The following NSUN3 variants were observed in gnomAD, a reference collection of about 807,000 sequenced individuals.
NSUN3 encodes the protein NOP2/Sun RNA methyltransferase 3, also known as tRNA (cytosine(34)-C(5))-methyltransferase, mitochondrial.
NSUN3 carries 24 observed loss-of-function variants against 36.8 expected under a neutral mutation model. That is an observed-to-expected ratio of 0.65 (90% CI 0.47 to 0.92). NSUN3 has a LOEUF of 0.92. Ranked by LOEUF, NSUN3 falls within the 40% of genes least tolerant of loss-of-function variation. NSUN3 has a pLI of 0.00. For synonymous variants in NSUN3, 146 were observed against 145.2 expected (o/e 1.01, Z -0.04); for missense variants, 381 against 392.8 (o/e 0.97, Z 0.25).
intron 5 of NSUN3, among the ~76,000 whole-genome samples, chr3:94,097,859 T>A (rs2077349697): frequency 6.6e-6 from 1 of 152,184 alleles, no homozygotes; most frequent in African/African-American, 2.4e-5. Context: ...ATATTGATCC[T>A]TTTCTCTATC....
chr3:94,092,559 C>G (rs996089445), intron 3 of NSUN3, among the ~76,000 whole-genome samples: 1 of 151,934 alleles, frequency 6.6e-6, no homozygotes, highest in African/African-American at 2.4e-5. Flanking sequence ...ATTTTCTACT[C>G]CTCTTCTCAA....
chr3:94,116,360 C>T (rs949625651), intron 5 of NSUN3, among the ~76,000 whole-genome samples: 15 of 152,068 alleles, frequency 9.9e-5, no homozygotes, highest in Non-Finnish European at 1.0e-4. Flanking sequence ...TTAAAAAATA[C>T]GTTTATTATT....
chr3:94,119,734 G>C (rs528487650), intron 5 of NSUN3, among the ~76,000 whole-genome samples: 1 of 152,328 alleles, frequency 6.6e-6, no homozygotes, highest in East Asian at 1.9e-4. Flanking sequence ...ATTTCTGATA[G>C]TTTTAAAATA....
chr3:94,114,360 C>G (rs1277624647), intron 5 of NSUN3, among the ~76,000 whole-genome samples: 1 of 152,046 alleles, frequency 6.6e-6, no homozygotes, highest in African/African-American at 2.4e-5. Flanking sequence ...TTTTTGTGAC[C>G]TTCGATTTGA....
intron 2 of NSUN3, chr3:94,076,061 G>T (rs1185561371): frequency 1.3e-6 from 2 of 1,598,082 alleles, no homozygotes; most frequent in South Asian, 1.1e-5. Context: ...AGATATCTTG[G>T]CAGTGTGACC....
chr3:94,064,871 A>G (rs2077197322), intron 2 of NSUN3, among the ~76,000 whole-genome samples: 1 of 152,236 alleles, frequency 6.6e-6, no homozygotes, highest in Non-Finnish European at 1.5e-5. Context: ...AAAATTTGGA[A>G]TATTTGACTG....
chr3:94,095,204 A>G (rs745550322), intron 5 of NSUN3, 50 bp downstream of exon 5: 8 of 1,583,976 alleles, frequency 5.1e-6, no homozygotes, highest in Non-Finnish European at 6.1e-6. Flanking sequence ...TGTAATTTAC[A>G]CAGGCATAAT....
intron 5 of NSUN3, among the ~76,000 whole-genome samples, chr3:94,107,153 A>C (rs2077393107): frequency 6.6e-6 from 1 of 151,780 alleles, no homozygotes. Flanking sequence ...CTGGTCTCAA[A>C]CTCCTGGGCT....
intron 2 of NSUN3, among the ~76,000 whole-genome samples, chr3:94,072,211 C>T (rs2077227144): frequency 1.3e-5 from 2 of 152,102 alleles, no homozygotes; most frequent in Non-Finnish European, 2.9e-5. Context: ...AATTCTCTTT[C>T]TTGCCCCCTT....
At chr3:94,086,305 C>A (rs760838947) in intron 3 of NSUN3, among the ~76,000 whole-genome samples, 46 of 152,162 alleles carry the variant, frequency 3.0e-4, no homozygotes, top group Non-Finnish European at 2.9e-4. Flanking sequence ...GGTTTCGATA[C>A]CCTGGCACAT....
chr3:94,105,031 T>G lies in NSUN3; in HGVS notation c.743+9877T>G, dbSNP rs181632879. On this transcript the variant is annotated intron_variant, in intron 5 of 5. Transcript: ENST00000314622. ...ACTGAGCCAATAAGTATAATAAGTA[T>G]ATTTAAGTATTTGAAACATGGGAGC... 1.5e-3 allele frequency among the ~76,000 whole-genome samples: 235 copies of G among 152,348 alleles called. 1 individual carries two copies. Among genetic ancestry groups the G allele is most frequent in the African/African-American group, 5.4e-3 (223 of 41,582 alleles).
intron 5 of NSUN3, among the ~76,000 whole-genome samples, chr3:94,095,927 T>A (rs1008923844): frequency 1.5e-4 from 22 of 150,430 alleles, no homozygotes; most frequent in African/African-American, 4.9e-4. Flanking sequence ...TTTTTTTTTT[T>A]TTTTTGTATT....
intron 4 of NSUN3, among the ~76,000 whole-genome samples, chr3:94,094,522 G>T (rs138108039): frequency 3.3e-5 from 5 of 152,264 alleles, no homozygotes; most frequent in Admixed American, 1.3e-4. Flanking sequence ...TTTTATATTG[G>T]CAGGTAACTC....
intron 5 of NSUN3, 101 bp downstream of exon 5, chr3:94,095,255 T>C: frequency 8.9e-7 from 1 of 1,127,386 alleles, no homozygotes; most frequent in South Asian, 1.5e-5. Flanking sequence ...GCTGTGTAGG[T>C]GTCAATGATT....
At chr3:94,092,994 A>G (rs2077322366) in intron 3 of NSUN3, among the ~76,000 whole-genome samples, 1 of 151,750 alleles carries the variant, frequency 6.6e-6, no homozygotes, top group African/African-American at 2.4e-5. Context: ...CCATACACAG[A>G]AACACCTCTC....
intron 5 of NSUN3, among the ~76,000 whole-genome samples, chr3:94,106,508 C>T (rs1011665654): frequency 3.3e-5 from 5 of 152,090 alleles, no homozygotes; most frequent in Admixed American, 6.6e-5. Context: ...AAACTGATGA[C>T]GGCATTAGGT....
At chr3:94,087,212 A>G (rs564106838) in intron 3 of NSUN3, among the ~76,000 whole-genome samples, 29 of 152,346 alleles carry the variant, frequency 1.9e-4, no homozygotes, top group African/African-American at 6.5e-4. Context: ...CTGATGCTTA[A>G]AGCCCAAGTT....
chr3:94,079,133 A>T (rs1267943342), intron 2 of NSUN3, among the ~76,000 whole-genome samples: 1 of 152,160 alleles, frequency 6.6e-6, no homozygotes, highest in Non-Finnish European at 1.5e-5. Context: ...GTGGTAACAA[A>T]ATCTCTCAGC....
intron 2 of NSUN3, among the ~76,000 whole-genome samples, chr3:94,073,630 G>T (rs2077234678): frequency 6.6e-6 from 1 of 152,100 alleles, no homozygotes; most frequent in Non-Finnish European, 1.5e-5. Context: ...CATATCCTTT[G>T]CTCACTTTTT....
Sources: allele counts gnomAD v4.1 joint callset (sites outside exome capture counted in the v4.1 genomes callset), GRCh38; gene constraint gnomAD v4.1.1; transcripts MANE v1.5; gene names NCBI Gene and HGNC (gene_info 2026-07-23, HGNC 2026-07-21).